The following DPYSL3 variants were observed in gnomAD, a reference collection of about 807,000 sequenced individuals.
DPYSL3 encodes dihydropyrimidinase-related protein 3.
DPYSL3 carries 16 observed loss-of-function variants against 66.1 expected under a neutral mutation model. The observed-to-expected ratio is 0.24, with a 90% CI of 0.16 to 0.37. DPYSL3 has a LOEUF of 0.37. Ranked by LOEUF, DPYSL3 falls within the 10% of genes least tolerant of loss-of-function variation. The probability of loss-of-function intolerance (pLI) is 1.00; values close to 1 mark genes in which losing one functional copy is unlikely to be tolerated. For missense variants in DPYSL3, 738 were observed against 916.2 expected, an observed-to-expected ratio of 0.81 and a Z score of 2.51; for synonymous variants, 338 against 345.1, an observed-to-expected ratio of 0.98 and a Z score of 0.23.
chr5:147,430,571 A>T (rs1256362554), intron 1 of DPYSL3, among the ~76,000 whole-genome samples: 1 of 150,996 alleles, frequency 6.6e-6, no homozygotes, highest in East Asian at 2.0e-4. Flanking sequence ...GGAGGGAGAA[A>T]AGGAGAAAGA....
intron 1 of DPYSL3, among the ~76,000 whole-genome samples, chr5:147,457,119 T>A (rs912460597): frequency 1.3e-5 from 2 of 152,210 alleles, no homozygotes; most frequent in African/African-American, 2.4e-5. Context: ...TCAGTGTTAG[T>A]GCAATGGAGG....
At chr5:147,460,653 GTC>G (rs1752918111) in intron 1 of DPYSL3, among the ~76,000 whole-genome samples, 1 of 152,208 alleles carries the variant, frequency 6.6e-6, no homozygotes. Flanking sequence ...ACCAGTATCT[GTC>G]TGTGTTTAGA....
At chr5:147,402,647 T>G (rs576156100) in intron 8 of DPYSL3, among the ~76,000 whole-genome samples, 2 of 151,234 alleles carry the variant, frequency 1.3e-5, no homozygotes, top group African/African-American at 4.9e-5. Context: ...GCGCCCGGCC[T>G]ATGACTTTTT....
intron 1 of DPYSL3, among the ~76,000 whole-genome samples, chr5:147,457,936 C>T (rs1451902461): frequency 1.4e-4 from 21 of 152,162 alleles, no homozygotes. Context: ...TGTCTTCTGA[C>T]TCCATCTATT....
rs77231196 is a variant in DPYSL3 at position 147,476,976 on chromosome 5, T to C, written c.381+32502A>G. On this transcript the variant is annotated intron_variant, in intron 1 of 13. Transcript: ENST00000343218. ...GCACCAACTCACATGAGTTCACAAT[T>C]AAAAATTACCAGACACATTTAAAAA... Among the ~76,000 whole-genome samples, 204 of 152,232 alleles carry C rather than the reference T, an allele frequency of 1.3e-3. 4 individuals are homozygous for C. In the East Asian group the frequency reaches 0.033, roughly 24 times the overall value.
chr5:147,476,405 C>T (rs1753156501), intron 1 of DPYSL3, among the ~76,000 whole-genome samples: 1 of 151,918 alleles, frequency 6.6e-6, no homozygotes, highest in Admixed American at 6.6e-5. Flanking sequence ...TTAGTTCTTC[C>T]AATGCAAAAT....
At chr5:147,493,930 T>C (rs1664529993) in intron 1 of DPYSL3, among the ~76,000 whole-genome samples, 1 of 152,194 alleles carries the variant, frequency 6.6e-6, no homozygotes, top group South Asian at 2.1e-4. Flanking sequence ...CAGTGGCTCA[T>C]GCCTGTAAGC....
At chr5:147,419,652 C>A (rs2126315659) in intron 2 of DPYSL3, among the ~76,000 whole-genome samples, 1 of 152,256 alleles carries the variant, frequency 6.6e-6, no homozygotes, top group Non-Finnish European at 1.5e-5. Flanking sequence ...TGAATATTTT[C>A]CCCTTTTATC....
In DPYSL3 at chr5:147,429,833, C is replaced by T. The variant is rs184366914; in HGVS notation, c.382-4870G>A. Among the ~76,000 whole-genome samples, 74 of 152,248 alleles carry T rather than the reference C, an allele frequency of 4.9e-4. 2 individuals carry two copies. The highest frequency in any genetic ancestry group is 1.5e-3 in the Admixed American group (23 of 15,302). On this transcript the variant is annotated intron_variant, in intron 1 of 13. Transcript: ENST00000343218. Reference sequence around the variant, plus strand: ...TGAATTCGTTCCAGTGTCCAAACTGCGTCCAGTTCTCTCAGGTAGGTAGCT... The same window carrying T: ...TGAATTCGTTCCAGTGTCCAAACTGTGTCCAGTTCTCTCAGGTAGGTAGCT...
At chr5:147,459,131 C>G (rs949914333) in intron 1 of DPYSL3, among the ~76,000 whole-genome samples, 4 of 151,890 alleles carry the variant, frequency 2.6e-5, no homozygotes, top group African/African-American at 9.7e-5. Context: ...GGAGAAAGTC[C>G]AGAATATTCT....
Position 147,401,615 on chromosome 5 carries a change from G to A in DPYSL3, c.1235C>T (p.Ala412Val), listed in dbSNP as rs1437159047. 1.9e-6 allele frequency: 3 copies of A among 1,614,012 alleles called. No homozygotes were observed. The highest frequency in any genetic ancestry group is 1.6e-4 in the Middle Eastern group (1 of 6,062). Residue 412 changes from alanine to valine, a missense_variant, in exon 9 of 14, where the codon GCG (alanine) becomes GTG (valine). Ala to Val is a moderately conservative substitution (Grantham distance 64, BLOSUM62 0). Transcript: ENST00000343218. ...THYWSKNWAKAAAFVTSPPLS... is the reference protein window; with the variant it reads ...THYWSKNWAKVAAFVTSPPLS... ...GGGTGGGGATGTCACAAATGCAGCCGCCTTGGCCCAGTTCTTGCTCCAATA... is the reference window on the plus strand; with the variant it reads ...GGGTGGGGATGTCACAAATGCAGCCACCTTGGCCCAGTTCTTGCTCCAATA...
rs115029966 is a variant in DPYSL3, at chr5:147,456,494, G to A, written c.382-31531C>T. On this transcript the variant is annotated intron_variant, in intron 1 of 13. Coordinates refer to ENST00000343218, the MANE Select transcript of DPYSL3 (RefSeq NM_001197294.2). Reference sequence around the variant, plus strand: ...GGTACTCCATTCCAGTTGCTCAGGCGAAAGGTTTGGCACCATCCTTGATTT... The same window carrying A: ...GGTACTCCATTCCAGTTGCTCAGGCAAAAGGTTTGGCACCATCCTTGATTT... Among the ~76,000 whole-genome samples the A allele has an allele frequency of 2.9e-3, 438 of 151,702 alleles. 2 individuals are homozygous for A. Among genetic ancestry groups the A allele is most frequent in the Middle Eastern group, 0.01 (3 of 292 alleles).
intron 1 of DPYSL3, among the ~76,000 whole-genome samples, chr5:147,470,699 C>T (rs770047680): frequency 1.1e-4 from 16 of 152,138 alleles, no homozygotes; most frequent in Non-Finnish European, 1.0e-4. Flanking sequence ...AGGAACTAGG[C>T]GTTCCTTTCT....
chr5:147,459,053 G>C (rs978870211), intron 1 of DPYSL3, among the ~76,000 whole-genome samples: 1 of 148,746 alleles, frequency 6.7e-6, no homozygotes, highest in Admixed American at 6.8e-5. Flanking sequence ...ATAGCCCCCA[G>C]CTCTTTTACA....
intron 1 of DPYSL3, among the ~76,000 whole-genome samples, chr5:147,485,363 C>A (rs1753314144): frequency 6.6e-6 from 1 of 152,114 alleles, no homozygotes; most frequent in South Asian, 2.1e-4. Context: ...GCTGATCATG[C>A]CTTCCTTCAA....
intron 8 of DPYSL3, among the ~76,000 whole-genome samples, chr5:147,402,208 T>C (rs1758201898): frequency 6.6e-6 from 1 of 152,230 alleles, no homozygotes; most frequent in Non-Finnish European, 1.5e-5. Flanking sequence ...TTACCTGTTA[T>C]GCCTTCCCAC....
At chr5:147,397,980 A>G in intron 11 of DPYSL3, 135 bp from the exon 12 acceptor site, 1 of 867,168 alleles carries the variant, frequency 1.2e-6, no homozygotes, top group Non-Finnish European at 1.7e-6. Flanking sequence ...TGCATCTGCA[A>G]GCATCCAGTG....
At chr5:147,424,301 CTA>C (rs1752146971) in intron 2 of DPYSL3, among the ~76,000 whole-genome samples, 3 of 152,250 alleles carry the variant, frequency 2.0e-5, no homozygotes, top group African/African-American at 7.2e-5. Context: ...TGATGAAACA[CTA>C]TGTAAATCAA....
rs71001435 is a variant in DPYSL3, at chr5:147,502,571, C to CTTTTTT, written c.381+6901_381+6906dup. The stretch of plus-strand genomic sequence containing the variant: ...CCTACATAGCTGTGGCTTAATAATG[C>CTTTTTT]TTTTTTTTTTTTTTTTTTTTTTTGA... On this transcript the variant is annotated intron_variant, in intron 1 of 13. Coordinates refer to ENST00000343218, the MANE Select transcript of DPYSL3 (RefSeq NM_001197294.2). Among the ~76,000 whole-genome samples the CTTTTTT allele has an allele frequency of 2.3e-4, 22 of 95,200 alleles. 1 individual carries two copies. Among genetic ancestry groups the CTTTTTT allele is most frequent in the East Asian group, 1.8e-3 (5 of 2,758 alleles). The allele number at this position is 95,200 out of a possible 152,430, so 62.5% of individuals were successfully genotyped here. A position where few individuals can be genotyped will look rare whatever the true frequency, so the allele number is the denominator to read the frequency against.
Sources: gnomAD v4.1 joint callset for allele counts (sites outside exome capture counted in the v4.1 genomes callset) on GRCh38, gnomAD v4.1.1 for gene constraint, MANE v1.5 for transcripts, NCBI Gene and HGNC (gene_info 2026-07-23, HGNC 2026-07-21) for gene names.